RHOJ: variants seen among roughly 807,000 people sequenced by gnomAD.
RHOJ encodes the protein ras homolog family member J, also known as rho-related GTP-binding protein RhoJ.
Under a neutral mutation model 23.4 loss-of-function variants are expected in RHOJ, and 11 were observed. The observed-to-expected ratio is 0.47, with a 90% CI of 0.30 to 0.78. The LOEUF (loss-of-function observed/expected upper bound fraction) is 0.78, where lower values mean the gene tolerates loss of function less well. Among genes scored for constraint, RHOJ ranks in the 30% least tolerant of loss-of-function variants. RHOJ has a pLI of 0.08. For missense variants in RHOJ, 254 were observed against 273.4 expected (o/e 0.93, Z 0.50); for synonymous variants, 102 against 102.7 (o/e 0.99, Z 0.04).
chr14:63,223,375 T>C (rs1388825365), intron 1 of RHOJ, among the ~76,000 whole-genome samples: 2 of 152,210 alleles, frequency 1.3e-5, no homozygotes, highest in African/African-American at 2.4e-5. Flanking sequence ...CATCCAAGTT[T>C]ACATTTACAC....
chr14:63,269,954 G>A (rs753139462), intron 2 of RHOJ, among the ~76,000 whole-genome samples: 3 of 152,156 alleles, frequency 2.0e-5, no homozygotes, highest in Non-Finnish European at 4.4e-5. Context: ...TTGGTGGAGG[G>A]GAAGTGGTTA....
At chr14:63,288,804 C>T (rs529835892) in intron 4 of RHOJ, among the ~76,000 whole-genome samples, 3 of 152,106 alleles carry the variant, frequency 2.0e-5, no homozygotes, top group Non-Finnish European at 2.9e-5. Context: ...TAATCTCTGT[C>T]GGAGAGTTTA....
chr14:63,253,561 T>A (rs1398793337), intron 1 of RHOJ, among the ~76,000 whole-genome samples: 1 of 152,204 alleles, frequency 6.6e-6, no homozygotes, highest in Non-Finnish European at 1.5e-5. Context: ...ATTTGCTTAG[T>A]TATTTTCTTG....
At chr14:63,249,889 G>A (rs1406830781) in intron 1 of RHOJ, among the ~76,000 whole-genome samples, 2 of 152,142 alleles carry the variant, frequency 1.3e-5, no homozygotes, top group African/African-American at 2.4e-5. Flanking sequence ...GTAGAACCAC[G>A]TTAGAGACAA....
chr14:63,272,865 A>G (rs1018570368), intron 2 of RHOJ, among the ~76,000 whole-genome samples: 1 of 152,182 alleles, frequency 6.6e-6, no homozygotes, highest in African/African-American at 2.4e-5. Context: ...CTCTACTAAA[A>G]ATACAAAATT....
chr14:63,279,198 C>T (rs1404466271), intron 2 of RHOJ, among the ~76,000 whole-genome samples: 2 of 152,012 alleles, frequency 1.3e-5, no homozygotes, highest in African/African-American at 2.4e-5. Flanking sequence ...TAGTCATGCC[C>T]CTAATAAATG....
chr14:63,283,353 C>G, intron 4 of RHOJ, 137 bp downstream of exon 4: 1 of 732,068 alleles, frequency 1.4e-6, no homozygotes, highest in South Asian at 1.6e-5. Flanking sequence ...TTTCTATTCT[C>G]CCCCTCTGTT....
At chr14:63,240,420 C>G (rs192476916) in intron 1 of RHOJ, among the ~76,000 whole-genome samples, 1 of 152,156 alleles carries the variant, frequency 6.6e-6, no homozygotes, top group African/African-American at 2.4e-5. Flanking sequence ...GGAATTATAG[C>G]CTCATTCCTG....
Position 63,269,164 on chromosome 14 carries a change from G to A in RHOJ, c.233G>A (p.Gly78Glu). Residue 78 changes from glycine to glutamate, a missense_variant, in exon 2 of 5, where the codon GGA becomes GAA. Transcript: ENST00000316754. ...QHLLGLYDTA[G>E]QEDYNQLRPL... ...TTGCTCGGACTGTATGACACCGCGG[G>A]ACAGGTACATTTTTATTATCTTGAT... The A allele has an allele frequency of 1.2e-6, 2 of 1,611,180 alleles. No homozygotes were observed. The highest frequency in any genetic ancestry group is 1.1e-5 in the South Asian group (1 of 91,008).
At chr14:63,222,865 A>G (rs1244000653) in intron 1 of RHOJ, among the ~76,000 whole-genome samples, 1 of 152,170 alleles carries the variant, frequency 6.6e-6, no homozygotes, top group Non-Finnish European at 1.5e-5. Context: ...TTTTGTTGCC[A>G]TTGCTTTTGG....
chr14:63,241,173 A>G (rs939948138), intron 1 of RHOJ, among the ~76,000 whole-genome samples: 2 of 152,248 alleles, frequency 1.3e-5, no homozygotes, highest in African/African-American at 4.8e-5. Context: ...ACGCGCATTC[A>G]TTCCATGGTC....
At chr14:63,290,829 C>T (rs772132226) in intron 4 of RHOJ, 49 bp from the exon 5 acceptor site, 6 of 1,558,470 alleles carry the variant, frequency 3.8e-6, no homozygotes, top group South Asian at 2.5e-5. Flanking sequence ...TACCACTGTG[C>T]TTTTCTCTCT....
intron 1 of RHOJ, among the ~76,000 whole-genome samples, chr14:63,221,697 A>G (rs372452349): frequency 4.6e-5 from 7 of 152,350 alleles, no homozygotes; most frequent in African/African-American, 1.4e-4. Context: ...TGCAATTTCC[A>G]AAGTAGTCAT....
intron 1 of RHOJ, among the ~76,000 whole-genome samples, chr14:63,248,057 C>T (rs958665065): frequency 6.6e-6 from 1 of 152,166 alleles, no homozygotes. Flanking sequence ...CCTCTCACAA[C>T]ATGTGGGAAT....
chr14:63,244,902 T>TCACACATGGGTATTTGTGTGTA (rs1894949123), intron 1 of RHOJ, among the ~76,000 whole-genome samples: 1 of 152,244 alleles, frequency 6.6e-6, no homozygotes, highest in African/African-American at 2.4e-5. Context: ...TTGTGTCCAC[T>TCACACATGGGTATTTGTGTGTA]CACACATGGG....
chr14:63,211,139 T>C (rs867705108), intron 1 of RHOJ, among the ~76,000 whole-genome samples: 8 of 152,202 alleles, frequency 5.3e-5, no homozygotes, highest in Non-Finnish European at 1.0e-4. Context: ...AGGTAGACAG[T>C]CATAACCTTA....
rs968780350 is a variant in RHOJ at position 63,291,647 on chromosome 14, G to A, written c.*623G>A. 3.2e-5 allele frequency: 5 copies of A among 156,088 alleles called. No homozygotes were observed. The highest frequency in any genetic ancestry group is 1.9e-4 in the South Asian group (1 of 5,148). 9.7% of individuals were successfully genotyped at this position (156,088 alleles called of 1,614,324 possible). ...AACCAACACGTACCTCTGAATGCCC[G>A]ATTATAAGAAGACATGAGAAGACTT... On this transcript the variant is annotated 3_prime_UTR_variant, in exon 5 of 5. Coordinates refer to ENST00000316754, the MANE Select transcript of RHOJ (RefSeq NM_020663.5).
chr14:63,290,685 CA>C (rs199653989), intron 4 of RHOJ, among the ~76,000 whole-genome samples, 192 bp from the exon 5 acceptor site: 15,176 of 54,392 alleles, frequency 0.28, 2,380 homozygotes, highest in African/African-American at 0.5. Context: ...TACAAAAATA[CA>C]AAAAAAAAAA....
rs371224184 is a variant in RHOJ, at chr14:63,287,992, C to T, written c.499-2886C>T. 3.2e-4 allele frequency among the ~76,000 whole-genome samples: 48 copies of T among 152,222 alleles called. 2 individuals are homozygous for T. The East Asian group carries it at 7.1e-3, about 23-fold the overall frequency. ...ATCTGGCTGTGCTTTTTCCTTGAAC[C>T]GGGATGAATTCTTCTCCGACCCTCA... On this transcript the variant is annotated intron_variant, in intron 4 of 4. Coordinates refer to ENST00000316754, the MANE Select transcript of RHOJ (RefSeq NM_020663.5).
Sources: allele counts gnomAD v4.1 joint callset (sites outside exome capture counted in the v4.1 genomes callset), GRCh38; gene constraint gnomAD v4.1.1; transcripts MANE v1.5; gene names NCBI Gene and HGNC (gene_info 2026-07-23, HGNC 2026-07-21).